LYNX1: variants seen among roughly 807,000 people sequenced by gnomAD.
LYNX1 encodes the protein ly-6/neurotoxin-like protein 1.
LYNX1 carries 8 observed loss-of-function variants against 8.3 expected under a neutral mutation model. The observed-to-expected ratio is 0.97, with a 90% CI of 0.57 to 1.74. LYNX1 has a LOEUF of 1.74. LYNX1 is among the 40% of genes most tolerant of loss of function. The probability of loss-of-function intolerance (pLI) is 0.00; values close to 1 mark genes in which losing one functional copy is unlikely to be tolerated. For missense variants in LYNX1, 158 were observed against 159.7 expected (o/e 0.99, Z 0.06); for synonymous variants, 73 against 67.9 (o/e 1.08, Z -0.37).
chr8:142,771,427 C>T lies in LYNX1; in HGVS notation c.*3740G>A. 4 of 985,478 alleles carry T rather than the reference C, an allele frequency of 4.1e-6. No homozygotes were observed. The highest frequency in any genetic ancestry group is 4.8e-6 in the Non-Finnish European group (4 of 829,974). 61.0% of individuals were successfully genotyped at this position (985,478 alleles called of 1,614,324 possible). ...TCACCACCCCTTACTCCTCAAGATG[C>T]AAATGAAGCTCAGGGCTGGGCGGAA... On this transcript the variant is annotated 3_prime_UTR_variant, in exon 4 of 4. Coordinates refer to ENST00000652477, the MANE Select transcript of LYNX1 (RefSeq NM_177477.4).
In LYNX1 at chr8:142,775,074, G is replaced by A; in HGVS notation, c.*93C>T. ...CTGGGCATGGCTGAGGAGGTCGCAG[G>A]GAGTGTGGAGGGTGAGGCAGGGTGA... is the stretch of plus-strand genomic sequence containing the variant. On this transcript the variant is annotated 3_prime_UTR_variant, in exon 4 of 4. Coordinates refer to ENST00000652477, the MANE Select transcript of LYNX1 (RefSeq NM_177477.4). 1.3e-6 allele frequency: 2 copies of A among 1,501,960 alleles called. No individual in the cohort carries two copies. Among genetic ancestry groups the A allele is most frequent in the Non-Finnish European group, 8.9e-7 (1 of 1,127,468 alleles). The allele number at this position is 1,501,960 out of a possible 1,614,324, so 93.0% of individuals were successfully genotyped here.
rs587676053 is a variant in LYNX1 at position 142,775,463 on chromosome 8, G to A, written c.155-100C>T. The A allele has an allele frequency of 8.8e-4, 1,389 of 1,570,590 alleles. 10 individuals are homozygous for A. In the African/African-American group the frequency reaches 0.014, roughly 16 times the overall value. On this transcript the variant is annotated intron_variant, in intron 3 of 3. Coordinates refer to ENST00000652477, the MANE Select transcript of LYNX1 (RefSeq NM_177477.4). ...ACAGCCATCAGGGCAGGGCCCCTCA[G>A]CCTGGAGCTCCCAGACAGGATCCGG... is the stretch of plus-strand genomic sequence containing the variant.
At chr8:142,775,430 C>A (rs1815372627) in intron 3 of LYNX1, 67 bp from the exon 4 acceptor site, 2 of 1,589,294 alleles carry the variant, frequency 1.3e-6, no homozygotes, top group Non-Finnish European at 1.7e-6. Context: ...GGCCCCACCC[C>A]AGCATCCACA....
Position 142,775,293 on chromosome 8 carries a change from G to T in LYNX1, c.225C>A (p.Gly75=). ...VPRCFETVYD[G]YSKHASTTSC... The stretch of plus-strand genomic sequence containing the variant: ...AGGTGGTGGACGCGTGCTTGGAGTA[G>T]CCATCATACACAGTCTCGAAGCAGC... The change falls in exon 4 of 4, where the codon GGC becomes GGA. Residue 75 remains glycine, a synonymous_variant. Coordinates refer to ENST00000652477, the MANE Select transcript of LYNX1 (RefSeq NM_177477.4). 1 of 1,614,044 alleles carries T rather than the reference G, an allele frequency of 6.2e-7. No individual in the cohort carries two copies. Among genetic ancestry groups the T allele is most frequent in the East Asian group, 2.2e-5 (1 of 44,882 alleles).
intron 1 of LYNX1, 44 bp downstream of exon 1, chr8:142,777,062 G>C (rs1039687405): frequency 1.3e-5 from 2 of 151,716 alleles, no homozygotes; most frequent in Admixed American, 1.3e-4. Context: ...CCCAGGTCGA[G>C]GGGAGGGCTC....
Position 142,772,034 on chromosome 8 carries a change from C to T in LYNX1, c.*3133G>A, listed in dbSNP as rs930172219. The T allele has an allele frequency of 5.1e-6, 5 of 986,088 alleles. No individual in the cohort carries two copies. The Admixed American group carries it at 3.1e-4, about 61-fold the overall frequency. 61.1% of individuals were successfully genotyped at this position (986,088 alleles called of 1,614,324 possible). On this transcript the variant is annotated 3_prime_UTR_variant, in exon 4 of 4. Transcript: ENST00000652477. The stretch of plus-strand genomic sequence containing the variant: ...CCCAGGGTGCCAGAGCCCACCCAAG[C>T]AGCCACTCCTGTCCAGTTCCCAGAA...
Position 142,772,067 on chromosome 8 carries a change from C to T in LYNX1, c.*3100G>A, listed in dbSNP as rs1363081937. The T allele has an allele frequency of 1.6e-5, 16 of 986,456 alleles. No homozygotes were observed. The highest frequency in any genetic ancestry group is 1.0e-4 in the African/African-American group (6 of 57,232). The allele number at this position is 986,456 out of a possible 1,614,324, so 61.1% of individuals were successfully genotyped here. On this transcript the variant is annotated 3_prime_UTR_variant, in exon 4 of 4. Coordinates refer to ENST00000652477, the MANE Select transcript of LYNX1 (RefSeq NM_177477.4). ...CCTGTCCAGTTCCCAGAATGTATAA[C>T]ATCCCAGGGTGCCAGAGCCCGCCCA...
rs1177917862 is a variant in LYNX1, at chr8:142,774,027, C to T, written c.*1140G>A. On this transcript the variant is annotated 3_prime_UTR_variant, in exon 4 of 4. Coordinates refer to ENST00000652477, the MANE Select transcript of LYNX1 (RefSeq NM_177477.4). ...GGCCTGGGGTGGGGTCCCTGGGAGTCCACACACCCAGCTGGGGCTTCCACC... is the reference window on the plus strand; with the variant it reads ...GGCCTGGGGTGGGGTCCCTGGGAGTTCACACACCCAGCTGGGGCTTCCACC... 3 of 985,358 alleles carry T rather than the reference C, an allele frequency of 3.0e-6. No homozygotes were observed. Among genetic ancestry groups the T allele is most frequent in the Non-Finnish European group, 3.6e-6 (3 of 830,000 alleles). The allele number at this position is 985,358 out of a possible 1,614,324, so 61.0% of individuals were successfully genotyped here. A position where few individuals can be genotyped will look rare whatever the true frequency, so the allele number is the denominator to read the frequency against.
rs1200174453 is a variant in LYNX1, at chr8:142,771,824, C to T, written c.*3343G>A. On this transcript the variant is annotated 3_prime_UTR_variant, in exon 4 of 4. Transcript: ENST00000652477. ...GGCTCCCCCACTTCCCCAGGACCTC[C>T]GCCTGGAGGAAGCCTGCCCAGGGCC... 8.1e-6 allele frequency: 8 copies of T among 985,900 alleles called. No individual in the cohort carries two copies. Among genetic ancestry groups the T allele is most frequent in the Middle Eastern group, 5.2e-4 (1 of 1,916 alleles). 61.1% of individuals were successfully genotyped at this position (985,900 alleles called of 1,614,324 possible).
In LYNX1 at chr8:142,773,356, G is replaced by A. The variant is rs1158615179; in HGVS notation, c.*1811C>T. The A allele has an allele frequency of 1.2e-5, 12 of 985,654 alleles. No individual in the cohort carries two copies. The highest frequency in any genetic ancestry group is 1.4e-5 in the Non-Finnish European group (12 of 830,248). 61.1% of individuals were successfully genotyped at this position (985,654 alleles called of 1,614,324 possible). On this transcript the variant is annotated 3_prime_UTR_variant, in exon 4 of 4. Coordinates refer to ENST00000652477, the MANE Select transcript of LYNX1 (RefSeq NM_177477.4). The stretch of plus-strand genomic sequence containing the variant: ...TAGGGCTACAGCCACAACCACTGGG[G>A]GTAGGGGCGAGGGGAGTCCAGGCCC...
At chr8:142,776,469 C>A (rs1285705176) in intron 1 of LYNX1, 1 of 176,274 alleles carries the variant, frequency 5.7e-6, no homozygotes, top group Non-Finnish European at 1.2e-5. Flanking sequence ...TGCAGAGGTC[C>A]CATGGGAGGT....
upstream of LYNX1, chr8:142,777,375 C>CGGACCCGCCCT (rs1815469998): frequency 5.0e-6 from 1 of 198,836 alleles, no homozygotes; most frequent in Admixed American, 6.1e-5. Flanking sequence ...GGCCCCGCCC[C>CGGACCCGCCCT]GGACCCGCCT....
rs756177529 is a variant in LYNX1, at chr8:142,775,240, C to T, written c.278G>A (p.Gly93Asp). 1.9e-6 allele frequency: 3 copies of T among 1,613,592 alleles called. No individual in the cohort carries two copies. The African/African-American group carries it at 4.0e-5, about 22-fold the overall frequency. ...TSCCQYDLCN[G>D]TGLATPATLA... is the part of the protein sequence containing the mutation. ...GGTGGCCGGGGTGGCAAGGCCGGTGCCGTTGCAGAGGTCGTACTGGCAGCA... is the reference window on the plus strand; with the variant it reads ...GGTGGCCGGGGTGGCAAGGCCGGTGTCGTTGCAGAGGTCGTACTGGCAGCA... Residue 93 changes from glycine to aspartate, a missense_variant, in exon 4 of 4, where the codon GGC (glycine) becomes GAC (aspartate). Coordinates refer to ENST00000652477, the MANE Select transcript of LYNX1 (RefSeq NM_177477.4).
In LYNX1 at chr8:142,774,926, T is replaced by C; in HGVS notation, c.*241A>G. ...AAATAGCCCTGGACAGGCGAGGGGC[T>C]GATCAGCCCATCAAAGCCGGACACT... On this transcript the variant is annotated 3_prime_UTR_variant, in exon 4 of 4. Transcript: ENST00000652477. 7.1e-7 allele frequency: 1 copy of C among 1,415,104 alleles called. No individual in the cohort carries two copies. Among genetic ancestry groups the C allele is most frequent in the African/African-American group, 1.4e-5 (1 of 69,514 alleles). The allele number at this position is 1,415,104 out of a possible 1,614,324, so 87.7% of individuals were successfully genotyped here.
Position 142,773,728 on chromosome 8 carries a change from G to A in LYNX1, c.*1439C>T. 2 of 985,366 alleles carry A rather than the reference G, an allele frequency of 2.0e-6. No homozygotes were observed. The highest frequency in any genetic ancestry group is 2.4e-6 in the Non-Finnish European group (2 of 829,922). The allele number at this position is 985,366 out of a possible 1,614,324, so 61.0% of individuals were successfully genotyped here. On this transcript the variant is annotated 3_prime_UTR_variant, in exon 4 of 4. Coordinates refer to ENST00000652477, the MANE Select transcript of LYNX1 (RefSeq NM_177477.4). ...CAAAGCTCTGGAGATGCAATTTCCA[G>A]CAGGGGCTCCCCTGACCAGGGCCAT... is the stretch of plus-strand genomic sequence containing the variant.
chr8:142,772,412 C>T lies in LYNX1; in HGVS notation c.*2755G>A. The T allele has an allele frequency of 1.0e-6, 1 of 985,558 alleles. No individual in the cohort carries two copies. Among genetic ancestry groups the T allele is most frequent in the African/African-American group, 1.7e-5 (1 of 57,380 alleles). The allele number at this position is 985,558 out of a possible 1,614,324, so 61.1% of individuals were successfully genotyped here. On this transcript the variant is annotated 3_prime_UTR_variant, in exon 4 of 4. Transcript: ENST00000652477. ...TCAAACCTCTGGTTCCACTTTTCTC[C>T]TTTTAAGCTTTCCATTTTGTAAACT...
intron 2 of LYNX1, 104 bp downstream of exon 2, chr8:142,775,802 T>G: frequency 6.4e-7 from 1 of 1,556,062 alleles, no homozygotes; most frequent in Non-Finnish European, 8.8e-7. Flanking sequence ...GGCAGGGGGC[T>G]AGAAGGAGGG....
chr8:142,775,803 A>T, intron 2 of LYNX1, 103 bp downstream of exon 2: 3 of 1,555,002 alleles, frequency 1.9e-6, no homozygotes, highest in Non-Finnish European at 2.6e-6. Context: ...GCAGGGGGCT[A>T]GAAGGAGGGG....
At chr8:142,777,346 C>G (rs1233509798), upstream of LYNX1, 1 of 167,512 alleles carries the variant, frequency 6.0e-6, no homozygotes, top group Non-Finnish European at 1.2e-5. Context: ...GAGCAACCCC[C>G]CGAGCCGAGC....
Sources: gnomAD v4.1 joint callset for allele counts on GRCh38, gnomAD v4.1.1 for gene constraint, MANE v1.5 for transcripts, NCBI Gene and HGNC (gene_info 2026-07-23, HGNC 2026-07-21) for gene names.